The following FGFR2 variants were observed in gnomAD, a reference collection of about 807,000 sequenced individuals.
FGFR2 encodes BEK fibroblast growth factor receptor.
A neutral mutation model predicts 95.9 loss-of-function variants in FGFR2; 19 were observed. That is an observed-to-expected ratio of 0.20 (90% CI 0.14 to 0.29). FGFR2 has a LOEUF of 0.29. FGFR2 is among the 10% of genes least tolerant of loss of function. The probability of loss-of-function intolerance (pLI) is 1.00; values close to 1 mark genes in which losing one functional copy is unlikely to be tolerated. For missense variants in FGFR2, 707 were observed against 1,056.9 expected, an observed-to-expected ratio of 0.67 and a Z score of 4.59; for synonymous variants, 392 against 393.3, an observed-to-expected ratio of 1.00 and a Z score of 0.04.
chr10:121,582,582 G>A (rs1342175832), intron 2 of FGFR2, among the ~76,000 whole-genome samples: 1 of 152,032 alleles, frequency 6.6e-6, no homozygotes, highest in Admixed American at 6.6e-5. Flanking sequence ...ATCACCCGAG[G>A]TCAAGAGTTC....
intron 5 of FGFR2, among the ~76,000 whole-genome samples, chr10:121,542,828 A>C (rs1853960811): frequency 6.6e-6 from 1 of 152,106 alleles, no homozygotes; most frequent in Non-Finnish European, 1.5e-5. Flanking sequence ...ATTAAATCCC[A>C]GGCTACCCTC....
At position 121,502,936 on chromosome 10, in the gene FGFR2, C is replaced by T. The variant is rs41295599; in HGVS notation, c.1439+854G>A. On this transcript the variant is annotated intron_variant, in intron 10 of 17. Coordinates refer to ENST00000358487, the MANE Select transcript of FGFR2 (RefSeq NM_000141.5). ...CTGCCCACTGACTCCATGCCCCACA[C>T]GATGATCCTGCTGAGGTTTGCAGTT... 7.5e-3 allele frequency among the ~76,000 whole-genome samples: 1,140 copies of T among 152,268 alleles called. 17 individuals carry two copies. The highest frequency in any genetic ancestry group is 0.026 in the African/African-American group (1,091 of 41,556).
rs956582998 is a variant in FGFR2, at chr10:121,505,936, C to T, written c.1288-1995G>A. Among the ~76,000 whole-genome samples, 11 of 152,250 alleles carry T rather than the reference C, an allele frequency of 7.2e-5. No homozygotes were observed. In the South Asian group the frequency reaches 8.3e-4, roughly 11 times the overall value. ...GCCGTGTGCTGTGGATGCTTAAGTA[C>T]GCAGGTGTTTTCAAGACTAAGAAGG... is the stretch of plus-strand genomic sequence containing the variant. On this transcript the variant is annotated intron_variant, in intron 9 of 17. Transcript: ENST00000358487.
rs760845434 is a variant in FGFR2, at chr10:121,503,794, C to G, written c.1435G>C (p.Asp479His). 3 of 1,614,010 alleles carry G rather than the reference C, an allele frequency of 1.9e-6. No homozygotes were observed. The African/African-American group carries it at 4.0e-5, about 22-fold the overall frequency. ...ATGGCCAAGAGAAGTACTCACTTAT[C>G]TCTTGGAAACTCCCATTTTGGGTCC... ...PEDPKWEFPR[D>H]KLTLGKPLGE... The change falls in exon 10 of 18, where the codon GAT becomes CAT. Residue 479 changes from aspartate to histidine, a missense_variant. Physicochemically the swap from Asp to His is moderately conservative, Grantham distance 81. Coordinates refer to ENST00000358487, the MANE Select transcript of FGFR2 (RefSeq NM_000141.5).
At chr10:121,542,887 C>A (rs1853970764) in intron 5 of FGFR2, among the ~76,000 whole-genome samples, 1 of 152,142 alleles carries the variant, frequency 6.6e-6, no homozygotes, top group East Asian at 1.9e-4. Context: ...CAAAACACCG[C>A]AGTGAAAGGT....
At chr10:121,514,954 T>G (rs1217616133) in intron 9 of FGFR2, among the ~76,000 whole-genome samples, 163 bp downstream of exon 9, 1 of 152,132 alleles carries the variant, frequency 6.6e-6, no homozygotes, top group African/African-American at 2.4e-5. Flanking sequence ...GACTAGACTC[T>G]CCAAGCTCCA....
intron 17 of FGFR2, 74 bp downstream of exon 17, chr10:121,483,624 A>AGT: frequency 2.9e-6 from 3 of 1,028,792 alleles, no homozygotes; most frequent in Non-Finnish European, 4.5e-6. Context: ...CCAACAGGGG[A>AGT]GTGTGTGTGT....
intron 1 of FGFR2, 40 bp from the exon 2 acceptor site, chr10:121,594,007 A>G (rs925179681): frequency 3.0e-6 from 2 of 676,592 alleles, no homozygotes; most frequent in East Asian, 2.7e-5. Context: ...ATCTTCCCCA[A>G]TGCCAAATCA....
intron 16 of FGFR2, 49 bp from the exon 17 acceptor site, chr10:121,483,852 T>C (rs1845075166): frequency 4.2e-6 from 6 of 1,412,864 alleles, no homozygotes; most frequent in Non-Finnish European, 6.0e-6. Flanking sequence ...ACTGGGTACG[T>C]GGTTATAGTC....
At chr10:121,572,581 T>C (rs187358737) in intron 2 of FGFR2, among the ~76,000 whole-genome samples, 5 of 152,054 alleles carry the variant, frequency 3.3e-5, no homozygotes, top group Non-Finnish European at 5.9e-5. Context: ...GACCATGCCA[T>C]TGCACTCCAG....
intron 16 of FGFR2, among the ~76,000 whole-genome samples, chr10:121,484,025 A>C (rs922744892): frequency 1.1e-4 from 17 of 152,264 alleles, no homozygotes; most frequent in African/African-American, 4.1e-4. Context: ...AAGGCATCGA[A>C]GCCATCAAGA....
intron 6 of FGFR2, among the ~76,000 whole-genome samples, chr10:121,535,418 C>T (rs1852688172): frequency 2.0e-5 from 3 of 152,338 alleles, no homozygotes; most frequent in East Asian, 3.9e-4. Flanking sequence ...GGTATGGCCA[C>T]GGACAAACCT....
At chr10:121,498,028 G>A (rs1333885239) in intron 12 of FGFR2, among the ~76,000 whole-genome samples, 2 of 152,158 alleles carry the variant, frequency 1.3e-5, no homozygotes, top group African/African-American at 4.8e-5. Context: ...GGAAAATAAC[G>A]TATTCCTTCA....
intron 17 of FGFR2, chr10:121,481,907 G>A (rs2133728654): frequency 7.4e-6 from 2 of 269,804 alleles, no homozygotes; most frequent in Admixed American, 5.3e-5. Context: ...CATGATCTCG[G>A]CTCACTGCAA....
chr10:121,565,438 C>T lies in FGFR2; in HGVS notation c.376G>A (p.Asp126Asn), dbSNP rs1057523040. The change falls in exon 3 of 18, where the codon GAT becomes AAT. Residue 126 changes from aspartate to asparagine, a missense_variant and splice_region_variant. Asp to Asn is a conservative substitution (Grantham distance 23, BLOSUM62 1). Transcript: ENST00000358487. ...ETWYFMVNVT[D>N]AISSGDDEDD... ...GCATAGTGCTGGCGGGCCAACTCAC[C>T]TGTGACATTCACCATGAAGTACCAA... 6.2e-7 allele frequency: 1 copy of T among 1,613,996 alleles called. No individual in the cohort carries two copies. Among genetic ancestry groups the T allele is most frequent in the African/African-American group, 1.3e-5 (1 of 74,930 alleles).
chr10:121,514,705 C>T (rs779121370), intron 9 of FGFR2, among the ~76,000 whole-genome samples: 10 of 152,134 alleles, frequency 6.6e-5, no homozygotes, highest in Non-Finnish European at 8.8e-5. Context: ...GAGTCTCTTT[C>T]GTACTAGTGG....
At chr10:121,488,848 G>A (rs1845768758) in intron 13 of FGFR2, among the ~76,000 whole-genome samples, 1 of 152,056 alleles carries the variant, frequency 6.6e-6, no homozygotes, top group Non-Finnish European at 1.5e-5. Context: ...ATTTTCAGAA[G>A]CGTTGGTTAA....
intron 9 of FGFR2, among the ~76,000 whole-genome samples, chr10:121,509,385 T>A (rs116129831): frequency 0.015 from 2,208 of 151,372 alleles, 25 homozygotes; most frequent in African/African-American, 0.031. Flanking sequence ...TTTTCGTACA[T>A]TTCCATAGTA....
chr10:121,484,460 A>C (rs1845152148), intron 16 of FGFR2, among the ~76,000 whole-genome samples: 1 of 152,224 alleles, frequency 6.6e-6, no homozygotes, highest in Non-Finnish European at 1.5e-5. Context: ...AGAGCACAAT[A>C]AATGCCTTTA....
Sources: allele counts gnomAD v4.1 joint callset (sites outside exome capture counted in the v4.1 genomes callset), GRCh38; gene constraint gnomAD v4.1.1; transcripts MANE v1.5; gene names NCBI Gene and HGNC (gene_info 2026-07-23, HGNC 2026-07-21).